The following SOS1 variants were observed in gnomAD, a reference collection of about 807,000 sequenced individuals.
The protein encoded by SOS1 is son of sevenless homolog 1.
Under a neutral mutation model 157.6 loss-of-function variants are expected in SOS1, and 25 were observed. The ratio of observed to expected loss-of-function variants is 0.16; its 90% CI spans 0.12 to 0.22. The LOEUF (loss-of-function observed/expected upper bound fraction) is 0.22, where lower values mean the gene tolerates loss of function less well. Ranked by LOEUF, SOS1 falls within the 10% of genes least tolerant of loss-of-function variation. SOS1 has a pLI of 1.00. For missense variants in SOS1, 1,237 were observed against 1,599.1 expected (o/e 0.77, Z 3.86); for synonymous variants, 528 against 534.0 (o/e 0.99, Z 0.16).
chr2:39,099,577 C>T (rs1672891985), intron 1 of SOS1, among the ~76,000 whole-genome samples: 1 of 152,110 alleles, frequency 6.6e-6, no homozygotes, highest in Admixed American at 6.6e-5. Context: ...AATACTAGTT[C>T]CTTGATATTT....
chr2:39,058,886 G>T (rs1446504417), intron 2 of SOS1, 82 bp from the exon 3 acceptor site: 1 of 1,111,316 alleles, frequency 9.0e-7, no homozygotes, highest in Non-Finnish European at 1.3e-6. Flanking sequence ...TAAAATCAAA[G>T]AATACCAAAA....
At chr2:39,024,485 T>TA (rs200302779) in intron 8 of SOS1, among the ~76,000 whole-genome samples, 2 of 141,908 alleles carry the variant, frequency 1.4e-5, no homozygotes, top group African/African-American at 5.8e-5. Context: ...TAGACGAGGT[T>TA]TTTTTTTTTT....
intron 4 of SOS1, 22 bp from the exon 5 acceptor site, chr2:39,054,845 A>G (rs765256527): frequency 8.7e-7 from 1 of 1,147,710 alleles, no homozygotes; most frequent in Non-Finnish European, 1.3e-6. Flanking sequence ...GAGATATAAA[A>G]AAGTATAATA....
Position 38,989,053 on chromosome 2 carries a change from G to A in SOS1, c.3391+217C>T, listed in dbSNP as rs900597634. Reference sequence around the variant, plus strand: ...ACTTATTTAATATGTTCTTTTAAGAGAGAAACAAGGTTTTATAAAAAGCAT... The same window carrying A: ...ACTTATTTAATATGTTCTTTTAAGAAAGAAACAAGGTTTTATAAAAAGCAT... On this transcript the variant is annotated intron_variant, in intron 21 of 22. Coordinates refer to ENST00000402219, the MANE Select transcript of SOS1 (RefSeq NM_005633.4). 7.3e-5 allele frequency among the ~76,000 whole-genome samples: 11 copies of A among 151,192 alleles called. No individual in the cohort carries two copies. In the East Asian group the frequency reaches 1.9e-3, roughly 27 times the overall value.
chr2:39,018,385 C>T (rs1468480977), intron 10 of SOS1, among the ~76,000 whole-genome samples: 1 of 151,734 alleles, frequency 6.6e-6, no homozygotes, highest in Non-Finnish European at 1.5e-5. Flanking sequence ...GCTAAGGTTT[C>T]CACCATGTTC....
At chr2:39,115,512 T>G (rs750656484) in intron 1 of SOS1, among the ~76,000 whole-genome samples, 1 of 143,088 alleles carries the variant, frequency 7.0e-6, no homozygotes. Flanking sequence ...CCTCTCAGAC[T>G]CAAGCAATGC....
chr2:39,070,068 C>T (rs1671745694), intron 1 of SOS1, among the ~76,000 whole-genome samples: 1 of 152,092 alleles, frequency 6.6e-6, no homozygotes, highest in African/African-American at 2.4e-5. Flanking sequence ...GAGTTCTGTG[C>T]TCTCCATTCA....
chr2:39,031,850 G>A (rs973902068), intron 8 of SOS1, among the ~76,000 whole-genome samples: 6 of 152,010 alleles, frequency 3.9e-5, no homozygotes, highest in Non-Finnish European at 8.8e-5. Context: ...GAAGCAATAT[G>A]GTTTTCAAAA....
chr2:39,052,989 C>T (rs974881700), intron 5 of SOS1, among the ~76,000 whole-genome samples: 2 of 152,102 alleles, frequency 1.3e-5, no homozygotes, highest in Non-Finnish European at 2.9e-5. Flanking sequence ...CCCGCCTCTA[C>T]TAAAAATACA....
chr2:39,118,742 A>G (rs912798686), intron 1 of SOS1, among the ~76,000 whole-genome samples: 1 of 152,210 alleles, frequency 6.6e-6, no homozygotes, highest in East Asian at 1.9e-4. Flanking sequence ...GTTTTATGTA[A>G]TATCTCCCAT....
chr2:39,010,072 T>C (rs1669411342), intron 15 of SOS1, among the ~76,000 whole-genome samples: 1 of 152,072 alleles, frequency 6.6e-6, no homozygotes, highest in Non-Finnish European at 1.5e-5. Context: ...TCCCAGCACT[T>C]TGGGAGGCCA....
At chr2:39,035,005 T>A in intron 8 of SOS1, 1 of 628,086 alleles carries the variant, frequency 1.6e-6, no homozygotes, top group Non-Finnish European at 2.9e-6. Flanking sequence ...ACAAAAAAAT[T>A]AAAAAACAAC....
intron 17 of SOS1, among the ~76,000 whole-genome samples, chr2:39,003,229 A>G (rs773192573): frequency 6.6e-6 from 1 of 152,158 alleles, no homozygotes; most frequent in Admixed American, 6.5e-5. Flanking sequence ...AATGAGAAAG[A>G]TATATTACAA....
chr2:39,119,112 A>G (rs1673768856), intron 1 of SOS1, among the ~76,000 whole-genome samples: 1 of 152,250 alleles, frequency 6.6e-6, no homozygotes, highest in Non-Finnish European at 1.5e-5. Context: ...TAAGAAGTCA[A>G]ACTTGCAAGT....
At chr2:39,038,732 C>CAAAAAAAAAAAAAGAAAAAAAA (rs1670445655) in intron 6 of SOS1, among the ~76,000 whole-genome samples, 1 of 18,228 alleles carries the variant, frequency 5.5e-5, no homozygotes, top group Non-Finnish European at 9.9e-5. Context: ...GACTCCGTCT[C>CAAAAAAAAAAAAAGAAAAAAAA]AAAAAAAAAA....
intron 20 of SOS1, among the ~76,000 whole-genome samples, chr2:38,994,915 T>C (rs1366370085): frequency 6.6e-6 from 1 of 152,212 alleles, no homozygotes; most frequent in Non-Finnish European, 1.5e-5. Context: ...ATAATAAATT[T>C]AAAGAGGGCT....
intron 1 of SOS1, 39 bp from the exon 2 acceptor site, chr2:39,067,792 A>C: frequency 1.3e-6 from 2 of 1,590,730 alleles, no homozygotes; most frequent in Non-Finnish European, 1.7e-6. Context: ...TGTGGGTTCC[A>C]TATCATTAAA....
chr2:39,026,415 T>TCATGAAAATATC (rs1381187121), intron 8 of SOS1, among the ~76,000 whole-genome samples: 1 of 148,320 alleles, frequency 6.7e-6, no homozygotes, highest in African/African-American at 2.5e-5. Flanking sequence ...ATAAAAAGGG[T>TCATGAAAATATC]AACGAAAGAT....
intron 17 of SOS1, among the ~76,000 whole-genome samples, chr2:39,001,020 G>A (rs1407052818): frequency 6.6e-6 from 1 of 152,192 alleles, no homozygotes; most frequent in Non-Finnish European, 1.5e-5. Flanking sequence ...TTGGATGTTT[G>A]ATGACAAACC....
Sources: allele counts gnomAD v4.1 joint callset (sites outside exome capture counted in the v4.1 genomes callset), GRCh38; gene constraint gnomAD v4.1.1; transcripts MANE v1.5; gene names NCBI Gene and HGNC (gene_info 2026-07-23, HGNC 2026-07-21).